The following TNRC6A variants were observed in gnomAD, a reference collection of about 807,000 sequenced individuals.
TNRC6A encodes the protein trinucleotide repeat containing adaptor 6A, also known as trinucleotide repeat-containing gene 6A protein.
Under a neutral mutation model 221.2 loss-of-function variants are expected in TNRC6A, and 44 were observed. The ratio of observed to expected loss-of-function variants is 0.20; its 90% CI spans 0.16 to 0.26. TNRC6A has a LOEUF of 0.26. TNRC6A is among the 10% of genes least tolerant of loss of function. TNRC6A has a pLI of 1.00. For missense variants in TNRC6A, 2,199 were observed against 2,404.4 expected, an observed-to-expected ratio of 0.91 and a Z score of 1.79; for synonymous variants, 847 against 838.5, an observed-to-expected ratio of 1.01 and a Z score of -0.18.
upstream of TNRC6A, among the ~76,000 whole-genome samples, chr16:24,725,731 C>T (rs530850602): frequency 3.9e-5 from 6 of 151,950 alleles, no homozygotes; most frequent in South Asian, 4.2e-4. Flanking sequence ...CGGCCAGGCA[C>T]GGTGGCTCAT....
intron 2 of TNRC6A, among the ~76,000 whole-genome samples, chr16:24,649,702 C>T (rs1255811931): frequency 1.3e-5 from 2 of 152,066 alleles, no homozygotes; most frequent in East Asian, 3.9e-4. Flanking sequence ...ACCATACTCA[C>T]CATGTTGTAC....
chr16:24,717,064 A>G (rs1435163193), intron 2 of TNRC6A, among the ~76,000 whole-genome samples: 1 of 151,480 alleles, frequency 6.6e-6, no homozygotes, highest in African/African-American at 2.4e-5. Flanking sequence ...ACAGTTTCCT[A>G]TGTTATTGTG....
At chr16:24,755,068 G>C (rs1462501986) in intron 3 of TNRC6A, among the ~76,000 whole-genome samples, 2 of 152,114 alleles carry the variant, frequency 1.3e-5, no homozygotes, top group East Asian at 3.9e-4. Flanking sequence ...GCAGTTAGGT[G>C]TTCTCTTACA....
chr16:24,628,435 G>GA (rs1023775340), intron 1 of TNRC6A, among the ~76,000 whole-genome samples: 167 of 149,680 alleles, frequency 1.1e-3, no homozygotes, highest in African/African-American at 3.9e-3. Flanking sequence ...AAAGAAAAAA[G>GA]AAAAAAAAAA....
chr16:24,756,044 A>G (rs2057242878), intron 3 of TNRC6A, among the ~76,000 whole-genome samples: 1 of 152,220 alleles, frequency 6.6e-6, no homozygotes, highest in East Asian at 1.9e-4. Flanking sequence ...GAGGGTTTAA[A>G]TGATCAGAGC....
intron 1 of TNRC6A, among the ~76,000 whole-genome samples, chr16:24,617,326 A>C (rs1310519581): frequency 2.0e-5 from 3 of 152,056 alleles, no homozygotes; most frequent in African/African-American, 7.2e-5. Context: ...ACTGGGTCTC[A>C]CTACGTTGCC....
At chr16:24,690,321 A>T (rs942004510) in intron 2 of TNRC6A, among the ~76,000 whole-genome samples, 10 of 152,026 alleles carry the variant, frequency 6.6e-5, no homozygotes, top group African/African-American at 2.2e-4. Context: ...AGAAAAAAAA[A>T]TTTTAATGGA....
At chr16:24,819,723 G>A in intron 21 of TNRC6A, 1 of 201,558 alleles carries the variant, frequency 5.0e-6, no homozygotes. Flanking sequence ...GGCAGCTCCT[G>A]AGTTGGGGCT....
intron 5 of TNRC6A, among the ~76,000 whole-genome samples, chr16:24,780,137 T>A (rs150877037): frequency 1.3e-5 from 2 of 152,326 alleles, no homozygotes; most frequent in African/African-American, 2.4e-5. Flanking sequence ...TGTTCTATCC[T>A]ATTTTTTATC....
chr16:24,644,081 A>ATTTTTTTTTTTTTTTTTTTTTTTTTTTT (rs748251760), intron 2 of TNRC6A, among the ~76,000 whole-genome samples: 1 of 81,560 alleles, frequency 1.2e-5, no homozygotes, highest in Non-Finnish European at 2.1e-5. Context: ...CTTATCTTTA[A>ATTTTTTTTTTTTTTTTTTTTTTTTTTTT]TTTTTTTTTT....
chr16:24,615,057 T>G (rs1190998526), intron 1 of TNRC6A, among the ~76,000 whole-genome samples: 1 of 152,102 alleles, frequency 6.6e-6, no homozygotes, highest in African/African-American at 2.4e-5. Context: ...AGAGTGAGAC[T>G]CTGTCTCAAA....
chr16:24,817,453 C>T (rs1407526909), intron 20 of TNRC6A, among the ~76,000 whole-genome samples: 1 of 152,084 alleles, frequency 6.6e-6, no homozygotes, highest in East Asian at 1.9e-4. Context: ...TATTGAAGGA[C>T]TTTCATCTGG....
intron 1 of TNRC6A, among the ~76,000 whole-genome samples, 193 bp downstream of exon 1, chr16:24,730,039 C>T (rs1008258325): frequency 4.7e-5 from 7 of 148,082 alleles, no homozygotes; most frequent in Non-Finnish European, 9.0e-5. Flanking sequence ...TGCGCCGCGC[C>T]GCGGGGGCCA....
intron 8 of TNRC6A, chr16:24,795,620 G>C: frequency 2.8e-6 from 1 of 362,390 alleles, no homozygotes; most frequent in Non-Finnish European, 4.9e-6. Context: ...TCTAAGTCTA[G>C]GACCTGCCAT....
chr16:24,705,222 C>T (rs2056072702), intron 2 of TNRC6A, among the ~76,000 whole-genome samples: 1 of 152,118 alleles, frequency 6.6e-6, no homozygotes. Flanking sequence ...AAGAAACTTG[C>T]CCAGATCACA....
At chr16:24,764,585 G>A (rs983346896) in intron 4 of TNRC6A, among the ~76,000 whole-genome samples, 1 of 152,104 alleles carries the variant, frequency 6.6e-6, no homozygotes, top group Non-Finnish European at 1.5e-5. Flanking sequence ...GCCTCCCAAA[G>A]TGCTGGGATT....
Position 24,823,140 on chromosome 16 carries a change from T to G in TNRC6A, c.5513+127T>G. On this transcript the variant is annotated intron_variant, in intron 24 of 24. Transcript: ENST00000395799. This position sits in a 1 kb window ranked among gnomAD's most constrained non-coding sequence, Gnocchi z 4.3. ...CTGCTGGCTGCAGTAGTGCCCTGAT[T>G]CCAAGGTCGGCATTCCTAAGCGGGG... is the stretch of plus-strand genomic sequence containing the variant. The G allele has an allele frequency of 7.5e-7, 1 of 1,325,892 alleles. No individual in the cohort carries two copies. Among genetic ancestry groups the G allele is most frequent in the Non-Finnish European group, 1.1e-6 (1 of 949,764 alleles). 82.1% of individuals were successfully genotyped at this position (1,325,892 alleles called of 1,614,324 possible). A position where few individuals can be genotyped will look rare whatever the true frequency, so the allele number is the denominator to read the frequency against.
intron 19 of TNRC6A, chr16:24,816,567 CGT>C (rs1215308914): frequency 5.8e-5 from 25 of 429,462 alleles, no homozygotes; most frequent in Middle Eastern, 6.5e-4. Flanking sequence ...GTATATGTTA[CGT>C]GTGTGTGTGG....
chr16:24,788,468 A>G (rs1044376484), intron 5 of TNRC6A, among the ~76,000 whole-genome samples: 5 of 152,148 alleles, frequency 3.3e-5, no homozygotes, highest in African/African-American at 1.2e-4. Context: ...CAATACTCAA[A>G]ACAGTTGTGT....
Sources: allele counts gnomAD v4.1 joint callset (sites outside exome capture counted in the v4.1 genomes callset), GRCh38; gene constraint gnomAD v4.1.1; non-coding constraint Gnocchi (gnomAD v3.1); transcripts MANE v1.5; gene names NCBI Gene and HGNC (gene_info 2026-07-23, HGNC 2026-07-21).